The following EDA variants were observed in gnomAD, a reference collection of about 807,000 sequenced individuals.
EDA encodes ectodysplasin-A.
In EDA, 2 loss-of-function variants were observed where a neutral mutation model predicts 23.6. The ratio of observed to expected loss-of-function variants is 0.08; its 90% CI spans 0.03 to 0.27. The LOEUF is 0.27. EDA is among the 10% of genes least tolerant of loss of function. The pLI is 1.00. For missense variants in EDA, 229 were observed against 324.2 expected (o/e 0.71, Z 2.26); for synonymous variants, 131 against 132.0 (o/e 0.99, Z 0.05).
intron 1 of EDA, among the ~76,000 whole-genome samples, chrX:69,955,424 T>C (rs1435021468): frequency 8.9e-6 from 1 of 111,847 alleles, no homozygotes; most frequent in Non-Finnish European, 1.9e-5. Context: ...TCATGTATCC[T>C]TCAAGATGCT....
rs182781665 is a variant in EDA at position 69,855,881 on chromosome X, C to G, written c.397-101146C>G. ...CTCAATGGTAGTTTATTTTTTTGCT[C>G]AGCATTTTATTTATTTTTTATTTAT... On this transcript the variant is annotated intron_variant, in intron 1 of 7. Transcript: ENST00000374552. Among the ~76,000 whole-genome samples, 166 of 111,020 alleles carry G rather than the reference C, an allele frequency of 1.5e-3. 1 individual carries two copies. The highest frequency in any genetic ancestry group is 7.7e-4 in the Admixed American group (8 of 10,386).
intron 2 of EDA, among the ~76,000 whole-genome samples, chrX:69,972,847 G>T (rs1392648290): frequency 9.0e-6 from 1 of 111,476 alleles, no homozygotes; most frequent in Non-Finnish European, 1.9e-5. Flanking sequence ...CTTGGTTTAG[G>T]CCTTCCAACT....
intron 4 of EDA, among the ~76,000 whole-genome samples, chrX:70,028,448 A>G (rs1286800743): frequency 8.9e-6 from 1 of 112,525 alleles, no homozygotes; most frequent in Non-Finnish European, 1.9e-5. Context: ...TTGCATAGAA[A>G]TAGGCTATGG....
At chrX:69,717,074 A>G (rs2012365989) in intron 1 of EDA, among the ~76,000 whole-genome samples, 1 of 110,923 alleles carries the variant, frequency 9.0e-6, no homozygotes, top group African/African-American at 3.3e-5. Context: ...CTCTTGTGTG[A>G]TTGCTCTGGC....
Position 69,653,160 on chromosome X carries a change from T to A in EDA, c.396+36456T>A, listed in dbSNP as rs1048554802. Among the ~76,000 whole-genome samples the A allele has an allele frequency of 3.6e-5, 4 of 111,865 alleles. No homozygotes were observed. In the Admixed American group the frequency reaches 3.8e-4, roughly 11 times the overall value. On this transcript the variant is annotated intron_variant, in intron 1 of 7. Transcript: ENST00000374552. ...TATCCTCTTTTATTTCATTGAGCAG[T>A]GGCTGGTAGTTCTCCTTGAAGAGGT...
chrX:70,030,493 C>G lies in EDA; in HGVS notation c.766C>G (p.Gln256Glu), dbSNP rs727504417. The change falls in exon 6 of 8, where the codon CAA becomes GAA. Residue 256 changes from glutamine to glutamate, a missense_variant. Gln to Glu is a conservative substitution (Grantham distance 29). Around this residue, in one of 2 missense-constraint regions of EDA, gnomAD observed 175 missense variants for 281.8 expected, o/e 0.62. Transcript: ENST00000374552. The stretch of plus-strand genomic sequence containing the variant: ...GCCAGCTGTGGTGCATCTACAGGGC[C>G]AAGGGTCAGCAATTCAAGTCAAGAA... ...NQPAVVHLQGQGSAIQVKNDL... is the reference protein window; with the variant it reads ...NQPAVVHLQGEGSAIQVKNDL... The G allele has an allele frequency of 1.7e-6, 2 of 1,204,109 alleles. No individual in the cohort carries two copies. Among genetic ancestry groups the G allele is most frequent in the African/African-American group, 3.5e-5 (2 of 56,940 alleles).
intron 2 of EDA, among the ~76,000 whole-genome samples, chrX:69,990,756 T>TTTC (rs913336065): frequency 1.5e-4 from 16 of 107,599 alleles, no homozygotes; most frequent in African/African-American, 5.5e-4. Context: ...TTTTTTTTTT[T>TTTC]CTGTCTGTTC....
At chrX:69,835,065 G>A (rs1020151168) in intron 1 of EDA, among the ~76,000 whole-genome samples, 2 of 112,562 alleles carry the variant, frequency 1.8e-5, no homozygotes, top group Non-Finnish European at 3.7e-5. Context: ...GATTTGTAGG[G>A]TTTCTGCCGA....
chrX:69,688,921 T>C (rs1934623999), intron 1 of EDA, among the ~76,000 whole-genome samples: 1 of 112,410 alleles, frequency 8.9e-6, no homozygotes, highest in Non-Finnish European at 1.9e-5. Context: ...CTTTATTTAA[T>C]TTTTATACGT....
intron 1 of EDA, among the ~76,000 whole-genome samples, chrX:69,732,928 C>CAT (rs1391177746): frequency 1.8e-5 from 2 of 110,809 alleles, no homozygotes; most frequent in African/African-American, 6.6e-5. Flanking sequence ...ATATCCTTTG[C>CAT]CCACTTTTTG....
At chrX:69,760,092 A>G (rs1024600837) in intron 1 of EDA, among the ~76,000 whole-genome samples, 2 of 106,197 alleles carry the variant, frequency 1.9e-5, no homozygotes, top group Non-Finnish European at 3.9e-5. Context: ...ATTCTGTACC[A>G]GAGGAAAGAA....
intron 1 of EDA, among the ~76,000 whole-genome samples, chrX:69,824,763 C>T (rs62604234): frequency 0.13 from 8,826 of 70,170 alleles, 556 homozygotes; most frequent in African/African-American, 0.22. Flanking sequence ...GAGAGGGCAT[C>T]CCTGTCTTGT....
At chrX:69,708,683 C>T (rs944103742) in intron 1 of EDA, among the ~76,000 whole-genome samples, 1 of 111,190 alleles carries the variant, frequency 9.0e-6, no homozygotes, top group African/African-American at 3.3e-5. Context: ...TCCAACAAAA[C>T]CTGTATCTGG....
intron 1 of EDA, among the ~76,000 whole-genome samples, chrX:69,714,941 A>G (rs370627679): frequency 1.8e-5 from 2 of 110,787 alleles, no homozygotes; most frequent in Non-Finnish European, 3.8e-5. Context: ...TAGGATTTTT[A>G]TAGGAATTAT....
chrX:69,785,476 T>G (rs2147456833), intron 1 of EDA, among the ~76,000 whole-genome samples: 1 of 107,444 alleles, frequency 9.3e-6, no homozygotes, highest in Non-Finnish European at 2.0e-5. Flanking sequence ...CACCAATACC[T>G]AATTTATTGA....
rs370220970 is a variant in EDA, at chrX:69,628,363, T to C, written c.396+11659T>C. Among the ~76,000 whole-genome samples the C allele has an allele frequency of 4.5e-4, 50 of 111,904 alleles. No homozygotes were observed. The East Asian group carries it at 6.7e-3, about 15-fold the overall frequency. Reference sequence around the variant, plus strand: ...TAACACCTGCCACAACTAGTCAGACTGAGGGAAAGAAGGGCAAAGAGTAGC... The same window carrying C: ...TAACACCTGCCACAACTAGTCAGACCGAGGGAAAGAAGGGCAAAGAGTAGC... On this transcript the variant is annotated intron_variant, in intron 1 of 7. Coordinates refer to ENST00000374552, the MANE Select transcript of EDA (RefSeq NM_001399.5).
intron 2 of EDA, among the ~76,000 whole-genome samples, chrX:70,020,853 A>G (rs1298650705): frequency 1.8e-5 from 2 of 112,141 alleles, no homozygotes; most frequent in Admixed American, 1.9e-4. Flanking sequence ...TTGTAAAAAT[A>G]CCTATTTATA....
intron 1 of EDA, among the ~76,000 whole-genome samples, chrX:69,641,352 G>C (rs1932837221): frequency 9.0e-6 from 1 of 111,630 alleles, no homozygotes; most frequent in African/African-American, 3.3e-5. Context: ...ATATGTGGTG[G>C]GGTGAGTGGT....
chrX:69,745,441 C>T (rs2013588362), intron 1 of EDA, among the ~76,000 whole-genome samples: 1 of 111,480 alleles, frequency 9.0e-6, no homozygotes, highest in Non-Finnish European at 1.9e-5. Flanking sequence ...GATCCTGAGT[C>T]CTGCCTCCCA....
Sources: allele counts gnomAD v4.1 joint callset (sites outside exome capture counted in the v4.1 genomes callset), GRCh38; gene constraint gnomAD v4.1.1; regional missense constraint gnomAD v4.1.1; transcripts MANE v1.5; gene names NCBI Gene and HGNC (gene_info 2026-07-23, HGNC 2026-07-21).